RELN: variants seen among roughly 807,000 people sequenced by gnomAD.
RELN encodes the protein reelin.
A neutral mutation model predicts 427.6 loss-of-function variants in RELN; 108 were observed. That is an observed-to-expected ratio of 0.25 (90% CI 0.22 to 0.30). The LOEUF is 0.30. Ranked by LOEUF, RELN falls within the 10% of genes least tolerant of loss-of-function variation. The pLI, the probability that RELN is intolerant of heterozygous loss-of-function variation, is 1.00. For missense variants in RELN, 3,715 were observed against 4,302.8 expected, an observed-to-expected ratio of 0.86 and a Z score of 3.82; for synonymous variants, 1,524 against 1,513.4, an observed-to-expected ratio of 1.01 and a Z score of -0.16.
chr7:103,691,709 A>C lies in RELN; in HGVS notation c.1143+6144T>G, dbSNP rs544842316. Among the ~76,000 whole-genome samples, 119 of 152,234 alleles carry C rather than the reference A, an allele frequency of 7.8e-4. 1 individual carries two copies. Among genetic ancestry groups the C allele is most frequent in the African/African-American group, 2.7e-3 (113 of 41,556 alleles). On this transcript the variant is annotated intron_variant, in intron 10 of 64. Transcript: ENST00000428762. ...ACACCTGTAGTCCCAACTACTCAGG[A>C]GGCTAAGGCACAAGAATCACTTGAA...
intron 17 of RELN, among the ~76,000 whole-genome samples, chr7:103,638,982 T>C (rs1162616677): frequency 1.3e-5 from 2 of 152,224 alleles, no homozygotes; most frequent in East Asian, 3.8e-4. Flanking sequence ...ATAAAAGTTG[T>C]CATTCTAGGT....
At chr7:103,671,374 T>A (rs1833389407) in intron 11 of RELN, among the ~76,000 whole-genome samples, 1 of 152,116 alleles carries the variant, frequency 6.6e-6, no homozygotes, top group Non-Finnish European at 1.5e-5. Flanking sequence ...CATGTTTATT[T>A]ACACTCTCTT....
At chr7:103,583,857 A>C (rs1015651153) in intron 28 of RELN, among the ~76,000 whole-genome samples, 12 of 152,192 alleles carry the variant, frequency 7.9e-5, no homozygotes, top group African/African-American at 2.9e-4. Context: ...CTACCCACAC[A>C]AACTCTGACA....
intron 8 of RELN, among the ~76,000 whole-genome samples, chr7:103,717,256 A>T (rs779796069): frequency 4.6e-5 from 7 of 151,008 alleles, no homozygotes; most frequent in Non-Finnish European, 3.0e-5. Context: ...GGGCTTAAGA[A>T]TTTGGGGTGA....
intron 64 of RELN, among the ~76,000 whole-genome samples, chr7:103,476,352 C>T (rs569634112): frequency 9.9e-5 from 15 of 152,036 alleles, no homozygotes; most frequent in East Asian, 3.9e-4. Context: ...TGGTGGTACG[C>T]GCCTGTAGTC....
chr7:103,846,903 T>C (rs1057286711), intron 2 of RELN, among the ~76,000 whole-genome samples: 1 of 152,148 alleles, frequency 6.6e-6, no homozygotes, highest in African/African-American at 2.4e-5. Context: ...ACGGCGATCA[T>C]TAAAGAAGCA....
chr7:103,884,234 G>A (rs1272573595), intron 2 of RELN, among the ~76,000 whole-genome samples: 1 of 152,178 alleles, frequency 6.6e-6, no homozygotes, highest in Non-Finnish European at 1.5e-5. Context: ...ACTATGTGCA[G>A]AAAACTGAAA....
chr7:103,567,750 G>A (rs185551595), intron 31 of RELN, among the ~76,000 whole-genome samples: 93 of 149,970 alleles, frequency 6.2e-4, no homozygotes, highest in African/African-American at 2.1e-3. Context: ...TAGATATTAC[G>A]CTCAGTAAAG....
At chr7:103,984,368 T>C (rs1377215781) in intron 1 of RELN, among the ~76,000 whole-genome samples, 2 of 152,254 alleles carry the variant, frequency 1.3e-5, no homozygotes, top group Admixed American at 1.3e-4. Flanking sequence ...TTATTAACAT[T>C]TTCAATGCAA....
At chr7:103,831,409 TA>T (rs1465341238) in intron 3 of RELN, among the ~76,000 whole-genome samples, 7 of 151,888 alleles carry the variant, frequency 4.6e-5, no homozygotes, top group Non-Finnish European at 1.0e-4. Context: ...CAAAAAGAAA[TA>T]AGAATTTGTC....
rs934782169 is a variant in RELN, at chr7:103,705,195, C to G, written c.806-4189G>C. On this transcript the variant is annotated intron_variant, in intron 8 of 64. Coordinates refer to ENST00000428762, the MANE Select transcript of RELN (RefSeq NM_005045.4). The stretch of plus-strand genomic sequence containing the variant: ...ATACATTCCAGAATGATTAGATCAG[C>G]CAATTAACATATCCATCACCTCACA... Among the ~76,000 whole-genome samples, 8 of 152,184 alleles carry G rather than the reference C, an allele frequency of 5.3e-5. No homozygotes were observed. The East Asian group carries it at 1.5e-3, about 29-fold the overall frequency.
chr7:103,520,929 G>T lies in RELN; in HGVS notation c.7668+1093C>A, dbSNP rs867772535. ...AAACTCTAAGGTAGGGCATGCTAAG[G>T]AAATAAAGAGCTGGCAGTAAATTTG... On this transcript the variant is annotated intron_variant, in intron 48 of 64. Transcript: ENST00000428762. 3.5e-5 allele frequency among the ~76,000 whole-genome samples: 5 copies of T among 141,902 alleles called. No individual in the cohort carries two copies. The South Asian group carries it at 1.1e-3, about 32-fold the overall frequency. The allele number at this position is 141,902 out of a possible 152,430, so 93.1% of individuals were successfully genotyped here.
At chr7:103,966,706 A>G (rs1485271178) in intron 1 of RELN, among the ~76,000 whole-genome samples, 1 of 152,238 alleles carries the variant, frequency 6.6e-6, no homozygotes, top group Non-Finnish European at 1.5e-5. Flanking sequence ...AAGCTAGGCT[A>G]TCAAACTTCC....
intron 2 of RELN, among the ~76,000 whole-genome samples, chr7:103,875,194 T>C (rs1323022431): frequency 6.8e-6 from 1 of 147,918 alleles, no homozygotes; most frequent in East Asian, 2.1e-4. Flanking sequence ...TTACACCTTA[T>C]ACAAAAATCA....
Position 103,697,608 on chromosome 7 carries a change from G to A in RELN, c.1143+245C>T, listed in dbSNP as rs10279900. Among the ~76,000 whole-genome samples, 32,699 of 152,030 alleles carry A rather than the reference G, an allele frequency of 0.22. 4,756 individuals are homozygous for A. Among genetic ancestry groups the A allele is most frequent in the African/African-American group, 0.41 (16,850 of 41,452 alleles). On this transcript the variant is annotated intron_variant, in intron 10 of 64. Transcript: ENST00000428762. ...GCCTTTTTGTGGTTATATTCTCTGGGTTCAGCCCAGTACACAGCACAGTGA... is the reference window on the plus strand; with the variant it reads ...GCCTTTTTGTGGTTATATTCTCTGGATTCAGCCCAGTACACAGCACAGTGA...
intron 36 of RELN, among the ~76,000 whole-genome samples, chr7:103,559,812 C>A (rs73418595): frequency 1.3e-5 from 2 of 152,052 alleles, no homozygotes; most frequent in African/African-American, 2.4e-5. Context: ...TTCTTCAGAT[C>A]GTAATGAAAA....
chr7:103,637,104 A>G (rs1264070637), intron 17 of RELN, among the ~76,000 whole-genome samples: 1 of 152,272 alleles, frequency 6.6e-6, no homozygotes, highest in Non-Finnish European at 1.5e-5. Context: ...GCTTGCTTCT[A>G]TGTAAGAATG....
At chr7:103,711,426 C>T (rs1789794643) in intron 8 of RELN, among the ~76,000 whole-genome samples, 1 of 152,116 alleles carries the variant, frequency 6.6e-6, no homozygotes, top group East Asian at 1.9e-4. Context: ...GGTCCCAGAG[C>T]AAGGGAATCC....
At chr7:103,815,009 T>C (rs1792835867) in intron 3 of RELN, among the ~76,000 whole-genome samples, 1 of 152,198 alleles carries the variant, frequency 6.6e-6, no homozygotes, top group Non-Finnish European at 1.5e-5. Context: ...GAAATAAACA[T>C]GGGCAGTCTT....
Sources: allele counts gnomAD v4.1 joint callset (sites outside exome capture counted in the v4.1 genomes callset), GRCh38; gene constraint gnomAD v4.1.1; transcripts MANE v1.5; gene names NCBI Gene and HGNC (gene_info 2026-07-23, HGNC 2026-07-21).